LAMA1: variants seen among roughly 807,000 people sequenced by gnomAD.
The protein encoded by LAMA1 is laminin subunit alpha 1, also known as laminin subunit alpha-1.
A neutral mutation model predicts 348.7 loss-of-function variants in LAMA1; 219 were observed. That is an observed-to-expected ratio of 0.63 (90% CI 0.56 to 0.70). The LOEUF (loss-of-function observed/expected upper bound fraction) is 0.70. LAMA1 is among the 30% of genes least tolerant of loss of function. The probability of loss-of-function intolerance (pLI) is 0.00; values close to 1 mark genes in which losing one functional copy is unlikely to be tolerated. For synonymous variants in LAMA1, 1,487 were observed against 1,491.0 expected (o/e 1.00, Z 0.06); for missense variants, 3,744 against 3,888.0 (o/e 0.96, Z 0.99).
intron 57 of LAMA1, among the ~76,000 whole-genome samples, chr18:6,951,186 C>T (rs936131782): frequency 2.6e-5 from 4 of 152,150 alleles, no homozygotes; most frequent in African/African-American, 9.7e-5. Flanking sequence ...GAGGATAAAG[C>T]TGTGAACAAA....
intron 3 of LAMA1, among the ~76,000 whole-genome samples, chr18:7,073,350 C>T (rs2058153655): frequency 6.6e-6 from 1 of 152,158 alleles, no homozygotes; most frequent in Non-Finnish European, 1.5e-5. Flanking sequence ...GCAATGATCA[C>T]TACCATCTAT....
At chr18:7,032,913 A>T in intron 15 of LAMA1, 71 bp downstream of exon 15, 1 of 1,128,672 alleles carries the variant, frequency 8.9e-7, no homozygotes, top group Non-Finnish European at 1.3e-6. Flanking sequence ...TTGCCATGAC[A>T]TCCCCTTCAG....
chr18:7,042,022 T>A (rs2058022541), intron 9 of LAMA1, 123 bp downstream of exon 9: 2 of 747,176 alleles, frequency 2.7e-6, no homozygotes, highest in Non-Finnish European at 2.4e-6. Flanking sequence ...TGATACGTAC[T>A]TGGTGAACAA....
intron 1 of LAMA1, among the ~76,000 whole-genome samples, chr18:7,081,456 GCTGA>G (rs2058193166): frequency 6.6e-6 from 1 of 151,670 alleles, no homozygotes; most frequent in African/African-American, 2.4e-5. Context: ...TGTTTTCTTT[GCTGA>G]ATAAAATTTT....
rs1176232116 is a variant in LAMA1 at position 7,042,447 on chromosome 18, G to C, written c.1156-197C>G. The C allele has an allele frequency of 1.2e-5, 7 of 567,070 alleles. No homozygotes were observed. In the Admixed American group the frequency reaches 1.9e-4, roughly 15 times the overall value. 35.1% of individuals were successfully genotyped at this position (567,070 alleles called of 1,614,324 possible). ...CCCAAACATCTTTTTGATGGTGGCA[G>C]TAGTTAGTACCCTTAGCAAAGTGTC... On this transcript the variant is annotated intron_variant, in intron 8 of 62. Coordinates refer to ENST00000389658, the MANE Select transcript of LAMA1 (RefSeq NM_005559.4).
intron 60 of LAMA1, 125 bp from the exon 61 acceptor site, chr18:6,947,421 CA>C: frequency 9.0e-7 from 1 of 1,114,116 alleles, no homozygotes; most frequent in Non-Finnish European, 1.3e-6. Flanking sequence ...GCTGCATCCC[CA>C]CCAGCAGGTC....
At chr18:6,958,366 A>G (rs931558083) in intron 55 of LAMA1, 111 bp downstream of exon 55, 31 of 1,184,768 alleles carry the variant, frequency 2.6e-5, no homozygotes, top group Non-Finnish European at 3.5e-5. Context: ...ATTATTTGGG[A>G]ATTTGCAAAG....
At chr18:6,984,069 G>C (rs1437480158) in intron 39 of LAMA1, among the ~76,000 whole-genome samples, 1 of 152,116 alleles carries the variant, frequency 6.6e-6, no homozygotes, top group Non-Finnish European at 1.5e-5. Flanking sequence ...GTTTTAGCTA[G>C]GTATGGAGTC....
At chr18:7,032,851 C>T in intron 15 of LAMA1, 133 bp downstream of exon 15, 1 of 720,838 alleles carries the variant, frequency 1.4e-6, no homozygotes. Context: ...ATTTCTATTG[C>T]CCAAAAAAGA....
rs191102015 is a variant in LAMA1 at position 7,016,454 on chromosome 18, T to A, written c.2989+37A>T. Reference sequence around the variant, plus strand: ...GAGGGCCCAAGGAAAGCTCTGGGAATGACTACAAAGTCTCAAACAAGGAAA... The same window carrying A: ...GAGGGCCCAAGGAAAGCTCTGGGAAAGACTACAAAGTCTCAAACAAGGAAA... On this transcript the variant is annotated intron_variant, in intron 21 of 62. Coordinates refer to ENST00000389658, the MANE Select transcript of LAMA1 (RefSeq NM_005559.4). 3.8e-5 allele frequency: 62 copies of A among 1,613,328 alleles called. No homozygotes were observed. In the East Asian group the frequency reaches 1.0e-3, roughly 26 times the overall value.
chr18:6,983,627 C>A (rs1446986915), intron 39 of LAMA1, among the ~76,000 whole-genome samples: 1 of 152,212 alleles, frequency 6.6e-6, no homozygotes, highest in African/African-American at 2.4e-5. Context: ...ACTTGGTAAC[C>A]TCCAAGAAGT....
In LAMA1 at chr18:7,015,806, A is replaced by T; in HGVS notation, c.3042T>A (p.Cys1014Ter). The change falls in exon 22 of 63, where the codon TGT becomes TGA. Residue 1014 changes from cysteine (C) to a stop codon, truncating the protein, a stop_gained. Transcript: ENST00000389658. LOFTEE classifies it high-confidence loss of function. Reference sequence around the variant, plus strand: ...CACCCTGTGTGTGAGGGGGGCAGACACACTCTCCAGTTTCTGGGTCGCAGG... The same window carrying T: ...CACCCTGTGTGTGAGGGGGGCAGACTCACTCTCCAGTTTCTGGGTCGCAGG... ...QNTCDPETGE[C>*]VCPPHTQGVK... 4.3e-6 allele frequency: 7 copies of T among 1,614,118 alleles called. No homozygotes were observed. The highest frequency in any genetic ancestry group is 5.9e-6 in the Non-Finnish European group (7 of 1,180,014).
At position 6,947,232 on chromosome 18, in the gene LAMA1, C is replaced by G. The variant is rs2057526098; in HGVS notation, c.8775G>C (p.Gln2925His). Reference sequence around the variant, plus strand: ...TGCTGATCCCCAGGAGGACGCCATTCTGCGAGGAGGTTCGAAACTCCAGTG... The same window carrying G: ...TGCTGATCCCCAGGAGGACGCCATTGTGCGAGGAGGTTCGAAACTCCAGTG... ...NITLEFRTSSQNGVLLGISTA... is the reference protein window; with the variant it reads ...NITLEFRTSSHNGVLLGISTA... Residue 2925 changes from glutamine to histidine, a missense_variant, in exon 61 of 63, where the codon CAG (glutamine) becomes CAC (histidine). Coordinates refer to ENST00000389658, the MANE Select transcript of LAMA1 (RefSeq NM_005559.4). 2 of 1,614,088 alleles carry G rather than the reference C, an allele frequency of 1.2e-6. No individual in the cohort carries two copies. The highest frequency in any genetic ancestry group is 2.2e-5 in the South Asian group (2 of 91,090).
chr18:7,104,133 CA>C (rs200486189), intron 1 of LAMA1, among the ~76,000 whole-genome samples: 2,037 of 152,140 alleles, frequency 0.013, 64 homozygotes, highest in African/African-American at 0.047. Context: ...CGACCGCCAC[CA>C]CGCTTGGCTG....
rs567926608 is a variant in LAMA1 at position 7,026,404 on chromosome 18, G to A, written c.2275-298C>T. Among the ~76,000 whole-genome samples, 5 of 152,294 alleles carry A rather than the reference G, an allele frequency of 3.3e-5. No homozygotes were observed. The South Asian group carries it at 1.0e-3, about 32-fold the overall frequency. On this transcript the variant is annotated intron_variant, in intron 16 of 62. Transcript: ENST00000389658. ...AGTGCTGCTTCGGCCAGAACCTTCC[G>A]ACTGCTACCTCTAAGGGGAATTCTG...
chr18:7,040,105 C>T lies in LAMA1; in HGVS notation c.1393G>A (p.Glu465Lys), dbSNP rs369134441. 6.8e-6 allele frequency: 11 copies of T among 1,614,030 alleles called. No individual in the cohort carries two copies. The African/African-American group carries it at 1.2e-4, about 18-fold the overall frequency. The change falls in exon 10 of 63, where the codon GAG becomes AAG. Residue 465 changes from glutamate (E) to lysine (K), a missense_variant. Physicochemically the swap from Glu to Lys is moderately conservative, Grantham distance 56 (BLOSUM62 1). Coordinates refer to ENST00000389658, the MANE Select transcript of LAMA1 (RefSeq NM_005559.4). ...CAAACACAGGGCCCTGTGCAGGGCT[C>T]ATCACTGGCACTGCCCACTGGGTTG... ...GCNPVGSASD[E>K]PCTGPCVCKE...
At chr18:7,116,612 G>A (rs2058357522) in intron 1 of LAMA1, among the ~76,000 whole-genome samples, 2 of 152,062 alleles carry the variant, frequency 1.3e-5, no homozygotes, top group Non-Finnish European at 2.9e-5. Flanking sequence ...TTTTTTTAAT[G>A]AAGTTTATAT....
intron 1 of LAMA1, among the ~76,000 whole-genome samples, chr18:7,089,852 A>G (rs2058232839): frequency 6.6e-6 from 1 of 152,230 alleles, no homozygotes. Flanking sequence ...ATGCATCCCC[A>G]ACAGGTTCAG....
chr18:6,973,899 C>A (rs187037930), intron 46 of LAMA1, among the ~76,000 whole-genome samples: 3 of 152,304 alleles, frequency 2.0e-5, no homozygotes, highest in Admixed American at 1.3e-4. Context: ...CCTGCCTGAA[C>A]CTCCCGAGTG....
Sources: allele counts gnomAD v4.1 joint callset (sites outside exome capture counted in the v4.1 genomes callset), GRCh38; gene constraint gnomAD v4.1.1; transcripts MANE v1.5; gene names NCBI Gene and HGNC (gene_info 2026-07-23, HGNC 2026-07-21).